Variants in ASTN2 observed in about 807,000 individuals in gnomAD.
The protein encoded by ASTN2 is astrotactin 2.
ASTN2 carries 54 observed loss-of-function variants against 139.8 expected under a neutral mutation model. The ratio of observed to expected loss-of-function variants is 0.39; its 90% CI spans 0.31 to 0.48. The LOEUF (loss-of-function observed/expected upper bound fraction) is 0.48. ASTN2 is among the 20% of genes least tolerant of loss of function. The pLI is 0.95. For missense variants in ASTN2, 1,565 were observed against 1,725.1 expected (o/e 0.91, Z 1.64); for synonymous variants, 756 against 719.5 (o/e 1.05, Z -0.81).
In ASTN2 at chr9:116,479,753, T is replaced by G. The variant is rs1849106334; in HGVS notation, c.3497+7606A>C. Among the ~76,000 whole-genome samples the G allele has an allele frequency of 2.0e-5, 3 of 152,152 alleles. No individual in the cohort carries two copies. In the South Asian group the frequency reaches 6.2e-4, roughly 31 times the overall value. ...GTAGCTTTTGTGTGACAACTAAAAG[T>G]GTGTTTTCCATATTGTTTCTAACCC... On this transcript the variant is annotated intron_variant, in intron 20 of 22. Coordinates refer to ENST00000313400, the MANE Select transcript of ASTN2 (RefSeq NM_001365068.1).
intron 3 of ASTN2, among the ~76,000 whole-genome samples, chr9:117,173,905 T>A (rs935727283): frequency 6.6e-6 from 1 of 151,794 alleles, no homozygotes; most frequent in Non-Finnish European, 1.5e-5. Flanking sequence ...GAGCAAAGTT[T>A]TTTTAAACCT....
chr9:117,180,783 C>A, intron 3 of ASTN2: 1 of 1,552,050 alleles, frequency 6.4e-7, no homozygotes, highest in Non-Finnish European at 8.8e-7. Context: ...GGATGAGCTG[C>A]TTCTCAGCCA....
At chr9:117,399,887 C>A (rs987667721) in intron 1 of ASTN2, among the ~76,000 whole-genome samples, 4 of 152,230 alleles carry the variant, frequency 2.6e-5, no homozygotes, top group Non-Finnish European at 5.9e-5. Context: ...GAATCTCAGG[C>A]TATCATTAAA....
At chr9:116,553,671 T>C (rs900467171) in intron 19 of ASTN2, among the ~76,000 whole-genome samples, 5 of 152,196 alleles carry the variant, frequency 3.3e-5, no homozygotes, top group Non-Finnish European at 2.9e-5. Context: ...ATAAATCACT[T>C]CAGCTGGGCC....
intron 1 of ASTN2, among the ~76,000 whole-genome samples, chr9:117,368,144 A>C (rs995566861): frequency 6.6e-6 from 1 of 152,122 alleles, no homozygotes; most frequent in Non-Finnish European, 1.5e-5. Context: ...GATTCAAAAA[A>C]CTAGTGTAAT....
At chr9:117,249,499 C>A (rs572282386) in intron 2 of ASTN2, among the ~76,000 whole-genome samples, 2 of 152,098 alleles carry the variant, frequency 1.3e-5, no homozygotes, top group Non-Finnish European at 2.9e-5. Context: ...TGTAGCAGAA[C>A]CCTTTGTTCA....
chr9:117,412,672 C>A (rs1831200746), intron 1 of ASTN2, among the ~76,000 whole-genome samples: 1 of 152,126 alleles, frequency 6.6e-6, no homozygotes, highest in Non-Finnish European at 1.5e-5. Flanking sequence ...ACTTGAATGG[C>A]CGTTTGGGGG....
intron 5 of ASTN2, among the ~76,000 whole-genome samples, chr9:117,082,689 G>A (rs1828460262): frequency 6.6e-6 from 1 of 152,202 alleles, no homozygotes; most frequent in Admixed American, 6.5e-5. Context: ...TGTGGTTCCA[G>A]CTACTCGGGA....
intron 10 of ASTN2, among the ~76,000 whole-genome samples, chr9:116,948,699 G>GTT: frequency 3.0e-4 from 1 of 3,290 alleles, no homozygotes; most frequent in Admixed American, 0.019. Context: ...ATATGTGTGA[G>GTT]TGTGTGTGTG....
chr9:117,076,772 C>A (rs960490957), intron 5 of ASTN2, among the ~76,000 whole-genome samples: 1 of 152,134 alleles, frequency 6.6e-6, no homozygotes, highest in South Asian at 2.1e-4. Flanking sequence ...GGTCCAGCCC[C>A]ATCACCATGA....
intron 11 of ASTN2, among the ~76,000 whole-genome samples, chr9:116,851,471 C>CATCTATCTATCTATCCATCCATCT (rs1832600041): frequency 1.3e-5 from 2 of 148,882 alleles, no homozygotes; most frequent in African/African-American, 5.0e-5. Context: ...AATTGCTAAA[C>CATCTATCTATCTATCCATCCATCT]ATCTATCTAT....
chr9:116,872,329 G>T (rs1833188501), intron 10 of ASTN2, among the ~76,000 whole-genome samples: 1 of 152,154 alleles, frequency 6.6e-6, no homozygotes, highest in Non-Finnish European at 1.5e-5. Flanking sequence ...TGTGTCAAAT[G>T]CCAGGCACAC....
chr9:117,224,755 C>T (rs1124840), intron 2 of ASTN2, among the ~76,000 whole-genome samples: 2,867 of 152,278 alleles, frequency 0.019, 36 homozygotes, highest in Non-Finnish European at 0.029. Flanking sequence ...TGCTCATGCT[C>T]CCTCTATCTG....
intron 19 of ASTN2, among the ~76,000 whole-genome samples, chr9:116,555,467 T>C (rs570130393): frequency 1.3e-5 from 2 of 152,152 alleles, no homozygotes; most frequent in Non-Finnish European, 2.9e-5. Context: ...AACCCTAAAC[T>C]GTAGAGAATG....
chr9:116,755,438 A>G (rs1034715023), intron 13 of ASTN2, among the ~76,000 whole-genome samples: 2 of 152,294 alleles, frequency 1.3e-5, no homozygotes, highest in Admixed American at 6.5e-5. Flanking sequence ...GGAAAACTGG[A>G]CACATTGACA....
rs570450549 is a variant in ASTN2, at chr9:117,144,585, C to A, written c.1016-3107G>T. 1.9e-4 allele frequency among the ~76,000 whole-genome samples: 28 copies of A among 147,954 alleles called. No homozygotes were observed. In the South Asian group the frequency reaches 5.7e-3, roughly 30 times the overall value. Reference sequence around the variant, plus strand: ...GATGACTCCTGGGTCTCCTGGCTTGCACAGATACGGATGACAGTTCCTCAG... The same window carrying A: ...GATGACTCCTGGGTCTCCTGGCTTGAACAGATACGGATGACAGTTCCTCAG... On this transcript the variant is annotated intron_variant, in intron 3 of 22. Coordinates refer to ENST00000313400, the MANE Select transcript of ASTN2 (RefSeq NM_001365068.1).
intron 16 of ASTN2, among the ~76,000 whole-genome samples, chr9:116,714,119 C>T (rs576125274): frequency 8.5e-5 from 13 of 152,324 alleles, no homozygotes; most frequent in South Asian, 4.1e-4. Flanking sequence ...CACACATATA[C>T]GCACATATAT....
Position 116,423,185 on chromosome 9 carries a change from C to T in ASTN2, c.*2666G>A, listed in dbSNP as rs993998914. Among the ~76,000 whole-genome samples the T allele has an allele frequency of 3.3e-5, 5 of 151,702 alleles. No individual in the cohort carries two copies. The highest frequency in any genetic ancestry group is 1.2e-4 in the African/African-American group (5 of 41,246). On this transcript the variant is annotated 3_prime_UTR_variant, in exon 23 of 23. Coordinates refer to ENST00000313400, the MANE Select transcript of ASTN2 (RefSeq NM_001365068.1). ...CAACCAGATTTTCCTGGATGTCTGC[C>T]CAAGACTCACAGTATTATGCATATT... is the stretch of plus-strand genomic sequence containing the variant.
chr9:116,832,018 T>G (rs1488115424), intron 11 of ASTN2, among the ~76,000 whole-genome samples: 1 of 152,206 alleles, frequency 6.6e-6, no homozygotes, highest in African/African-American at 2.4e-5. Flanking sequence ...AGTATTTCAT[T>G]ACTTTTTAGG....
Sources: gnomAD v4.1 joint callset for allele counts (sites outside exome capture counted in the v4.1 genomes callset) on GRCh38, gnomAD v4.1.1 for gene constraint, MANE v1.5 for transcripts, NCBI Gene and HGNC (gene_info 2026-07-23, HGNC 2026-07-21) for gene names.